The following USP10 variants were observed in gnomAD, a reference collection of about 807,000 sequenced individuals.
The protein encoded by USP10 is ubiquitin specific peptidase 10, also known as ubiquitin carboxyl-terminal hydrolase 10.
In USP10, 22 loss-of-function variants were observed where a neutral mutation model predicts 84.5. The ratio of observed to expected loss-of-function variants is 0.26; its 90% CI spans 0.19 to 0.37. The LOEUF is 0.37. Among genes scored for constraint, USP10 ranks in the 10% least tolerant of loss-of-function variants. USP10 has a pLI of 1.00. For synonymous variants in USP10, 454 were observed against 387.6 expected (o/e 1.17, Z -2.01); for missense variants, 1,019 against 998.9 (o/e 1.02, Z -0.27).
At chr16:84,700,392 C>T (rs1219028728) in intron 1 of USP10, among the ~76,000 whole-genome samples, 2 of 152,042 alleles carry the variant, frequency 1.3e-5, no homozygotes, top group Non-Finnish European at 2.9e-5. Context: ...AGGGGTTAAC[C>T]TCCCTGGGGC....
chr16:84,725,130 C>T (rs1908289760), intron 1 of USP10, among the ~76,000 whole-genome samples: 1 of 152,150 alleles, frequency 6.6e-6, no homozygotes, highest in Non-Finnish European at 1.5e-5. Context: ...ACACCGTAGT[C>T]CATTTTAGAA....
intron 1 of USP10, among the ~76,000 whole-genome samples, chr16:84,731,452 T>G (rs1487053547): frequency 6.6e-6 from 1 of 152,242 alleles, no homozygotes; most frequent in African/African-American, 2.4e-5. Context: ...TCTTGTATTT[T>G]ACTTCTTTAT....
chr16:84,762,472 C>T (rs529774198), intron 8 of USP10, among the ~76,000 whole-genome samples: 6 of 152,244 alleles, frequency 3.9e-5, no homozygotes, highest in South Asian at 2.1e-4. Context: ...AGGCAGGTCA[C>T]CTGAGGTCAG....
intron 1 of USP10, among the ~76,000 whole-genome samples, chr16:84,700,316 T>C (rs1339223325): frequency 6.6e-6 from 1 of 151,726 alleles, no homozygotes; most frequent in Non-Finnish European, 1.5e-5. Flanking sequence ...CCGGACCCCC[T>C]AGTCCCGGGG....
At chr16:84,771,706 T>C (rs112359372) in intron 11 of USP10, among the ~76,000 whole-genome samples, 5,206 of 152,046 alleles carry the variant, frequency 0.034, 264 homozygotes, top group African/African-American at 0.12. Flanking sequence ...CCTTCTTTAC[T>C]AAAAATACAA....
chr16:84,768,183 C>T lies in USP10; in HGVS notation c.1833-10C>T. ...CTCTTAATTTTTTTGTTTTTGCTTT[C>T]AATTCTTAGGTCTGTGGTTTACCAG... On this transcript the variant is annotated splice_polypyrimidine_tract_variant and intron_variant, in intron 10 of 13. Coordinates refer to ENST00000219473, the MANE Select transcript of USP10 (RefSeq NM_005153.3). 1.3e-6 allele frequency: 2 copies of T among 1,567,788 alleles called. No homozygotes were observed. The highest frequency in any genetic ancestry group is 1.7e-6 in the Non-Finnish European group (2 of 1,155,178).
In USP10 at chr16:84,768,465, A is replaced by G. The variant is rs60875796; in HGVS notation, c.1998+107A>G. The G allele has an allele frequency of 4.3e-3, 4,868 of 1,134,238 alleles. 162 individuals are homozygous for G. In the African/African-American group the frequency reaches 0.066, roughly 15 times the overall value. The allele number at this position is 1,134,238 out of a possible 1,614,324, so 70.3% of individuals were successfully genotyped here. On this transcript the variant is annotated intron_variant, in intron 11 of 13. Coordinates refer to ENST00000219473, the MANE Select transcript of USP10 (RefSeq NM_005153.3). ...AATGGGTTTGAGTTATGCCTCTTAAATCAGTTGCTTAACCATTTTGTACTG... is the reference window on the plus strand; with the variant it reads ...AATGGGTTTGAGTTATGCCTCTTAAGTCAGTTGCTTAACCATTTTGTACTG...
intron 10 of USP10, among the ~76,000 whole-genome samples, chr16:84,766,572 C>T (rs114977897): frequency 9.9e-4 from 151 of 152,324 alleles, no homozygotes; most frequent in African/African-American, 3.4e-3. Flanking sequence ...ATGGAGGCAT[C>T]GGGAACATGG....
chr16:84,723,911 A>T (rs1908128329), intron 1 of USP10, among the ~76,000 whole-genome samples: 1 of 152,188 alleles, frequency 6.6e-6, no homozygotes, highest in Non-Finnish European at 1.5e-5. Flanking sequence ...CCCAGCAAAG[A>T]TAGAACTGCT....
chr16:84,774,281 A>G (rs1914748603), intron 12 of USP10, among the ~76,000 whole-genome samples: 1 of 151,948 alleles, frequency 6.6e-6, no homozygotes, highest in Admixed American at 6.6e-5. Flanking sequence ...GGACAAGAGG[A>G]CCTCACTTGG....
intron 9 of USP10, among the ~76,000 whole-genome samples, chr16:84,763,725 G>A (rs1340612349): frequency 6.6e-6 from 1 of 151,532 alleles, no homozygotes; most frequent in Admixed American, 6.6e-5. Flanking sequence ...ATTGCAATGG[G>A]TTGCAGTGGA....
chr16:84,743,373 G>GA (rs1204562915), intron 3 of USP10, among the ~76,000 whole-genome samples: 1 of 152,144 alleles, frequency 6.6e-6, no homozygotes, highest in Non-Finnish European at 1.5e-5. Context: ...GAGGCCTCGG[G>GA]AGGCTGTGTA....
rs536603522 is a variant in USP10 at position 84,704,990 on chromosome 16, T to C, written c.21+4879T>C. The C allele has an allele frequency of 6.2e-5, 83 of 1,338,212 alleles. No homozygotes were observed. In the East Asian group the frequency reaches 1.9e-3, roughly 31 times the overall value. The allele number at this position is 1,338,212 out of a possible 1,614,324, so 82.9% of individuals were successfully genotyped here. A position where few individuals can be genotyped will look rare whatever the true frequency, so the allele number is the denominator to read the frequency against. The stretch of plus-strand genomic sequence containing the variant: ...AGTGCGGGCCCAGCACCTGCTACCG[T>C]CTGCGCTGTAATGGTGGCTGCTCCT... On this transcript the variant is annotated intron_variant, in intron 1 of 13. Coordinates refer to ENST00000219473, the MANE Select transcript of USP10 (RefSeq NM_005153.3).
intron 5 of USP10, 191 bp from the exon 6 acceptor site, chr16:84,759,172 C>G (rs1912913386): frequency 3.3e-6 from 2 of 614,898 alleles, no homozygotes; most frequent in Non-Finnish European, 5.8e-6. Flanking sequence ...CTTCGTAGAT[C>G]CTTATATGGA....
At chr16:84,710,608 A>T (rs1481872613) in intron 1 of USP10, among the ~76,000 whole-genome samples, 2 of 152,198 alleles carry the variant, frequency 1.3e-5, no homozygotes, top group Non-Finnish European at 2.9e-5. Flanking sequence ...CCTTGATTAT[A>T]TTCGTAGAAA....
intron 2 of USP10, among the ~76,000 whole-genome samples, chr16:84,736,550 A>T (rs1334941658): frequency 6.6e-6 from 1 of 152,226 alleles, no homozygotes; most frequent in African/African-American, 2.4e-5. Context: ...AAATGCAGTC[A>T]CCTTATTTAA....
intron 1 of USP10, among the ~76,000 whole-genome samples, chr16:84,701,554 A>C (rs1214200032): frequency 6.6e-6 from 1 of 152,254 alleles, no homozygotes; most frequent in Non-Finnish European, 1.5e-5. Flanking sequence ...GGTATGAACA[A>C]GTAAAAGGCT....
intron 1 of USP10, among the ~76,000 whole-genome samples, chr16:84,722,685 G>A (rs1424420101): frequency 1.3e-5 from 2 of 152,006 alleles, no homozygotes; most frequent in South Asian, 2.1e-4. Context: ...CTAGCCTCCC[G>A]AGTAGCTGGG....
intron 5 of USP10, 101 bp downstream of exon 5, chr16:84,758,908 C>T: frequency 1.2e-6 from 1 of 817,448 alleles, no homozygotes; most frequent in Non-Finnish European, 2.1e-6. Context: ...TCTAGCTCTC[C>T]ATTTGAATCC....
Sources: allele counts gnomAD v4.1 joint callset (sites outside exome capture counted in the v4.1 genomes callset), GRCh38; gene constraint gnomAD v4.1.1; transcripts MANE v1.5; gene names NCBI Gene and HGNC (gene_info 2026-07-23, HGNC 2026-07-21).